Variants in HAO1 observed in about 807,000 individuals in gnomAD.
The protein encoded by HAO1 is hydroxyacid oxidase 1.
A neutral mutation model predicts 39.7 loss-of-function variants in HAO1; 34 were observed. The observed-to-expected ratio is 0.86, with a 90% CI of 0.65 to 1.14. The LOEUF is 1.14. Among genes scored for constraint, HAO1 ranks in the 50% most tolerant of loss-of-function variants. The probability of loss-of-function intolerance (pLI) is 0.00; values close to 1 mark genes in which losing one functional copy is unlikely to be tolerated. For missense variants in HAO1, 479 were observed against 464.5 expected, an observed-to-expected ratio of 1.03 and a Z score of -0.29; for synonymous variants, 172 against 173.2, an observed-to-expected ratio of 0.99 and a Z score of 0.05.
chr20:7,902,119 TAAC>T (rs2050223794), intron 4 of HAO1, among the ~76,000 whole-genome samples: 1 of 152,188 alleles, frequency 6.6e-6, no homozygotes, highest in Non-Finnish European at 1.5e-5. Context: ...ATTGCTGAAA[TAAC>T]AACAAAGGAT....
intron 2 of HAO1, among the ~76,000 whole-genome samples, chr20:7,920,672 T>C (rs1010510707): frequency 6.6e-6 from 1 of 152,150 alleles, no homozygotes; most frequent in African/African-American, 2.4e-5. Context: ...AGTAAGATCA[T>C]ATAGTATCTG....
intron 1 of HAO1, among the ~76,000 whole-genome samples, chr20:7,937,199 C>T (rs2294298): frequency 6.6e-6 from 1 of 152,078 alleles, no homozygotes; most frequent in South Asian, 2.1e-4. Context: ...ACACTCCTCA[C>T]AAAGTAGCTG....
chr20:7,907,057 CCTT>C (rs774374039), intron 3 of HAO1, among the ~76,000 whole-genome samples: 3 of 152,160 alleles, frequency 2.0e-5, no homozygotes, highest in African/African-American at 4.8e-5. Flanking sequence ...CCTGTAGACT[CCTT>C]CTTGCCTGCT....
chr20:7,916,053 G>C (rs1406018624), intron 2 of HAO1, among the ~76,000 whole-genome samples: 1 of 152,022 alleles, frequency 6.6e-6, no homozygotes, highest in African/African-American at 2.4e-5. Context: ...TTACATTTTG[G>C]GGGGAAAGGT....
intron 2 of HAO1, among the ~76,000 whole-genome samples, chr20:7,928,843 A>T (rs946326822): frequency 6.6e-5 from 10 of 152,156 alleles, no homozygotes; most frequent in African/African-American, 2.2e-4. Flanking sequence ...TGCCCCAAAC[A>T]GTGTTTTAGG....
At chr20:7,924,096 AT>A in intron 2 of HAO1, among the ~76,000 whole-genome samples, 1 of 152,120 alleles carries the variant, frequency 6.6e-6, no homozygotes, top group East Asian at 1.9e-4. Flanking sequence ...TTCTTCTCTT[AT>A]TAGTTTTAAA....
chr20:7,931,349 TCTC>T (rs1456723766), intron 2 of HAO1, among the ~76,000 whole-genome samples: 1 of 152,134 alleles, frequency 6.6e-6, no homozygotes, highest in Non-Finnish European at 1.5e-5. Flanking sequence ...ATAATGGGCT[TCTC>T]CTCATGACAC....
At chr20:7,893,416 G>A (rs1419257556) in intron 5 of HAO1, among the ~76,000 whole-genome samples, 1 of 152,158 alleles carries the variant, frequency 6.6e-6, no homozygotes, top group Non-Finnish European at 1.5e-5. Context: ...TGCCTTTGCA[G>A]GACTAACAAA....
chr20:7,929,827 G>A (rs753316044), intron 2 of HAO1, among the ~76,000 whole-genome samples: 21 of 152,138 alleles, frequency 1.4e-4, no homozygotes, highest in Non-Finnish European at 2.5e-4. Context: ...TAGTGCCACT[G>A]CACTCCAGTC....
intron 4 of HAO1, among the ~76,000 whole-genome samples, chr20:7,900,354 G>A (rs2050216128): frequency 2.0e-5 from 3 of 152,090 alleles, no homozygotes; most frequent in African/African-American, 7.2e-5. Flanking sequence ...TTTTTTAGCA[G>A]CAAGGTATTT....
chr20:7,918,477 C>A (rs187743867), intron 2 of HAO1, among the ~76,000 whole-genome samples: 1 of 152,148 alleles, frequency 6.6e-6, no homozygotes, highest in Admixed American at 6.6e-5. Flanking sequence ...TAAATAGCCA[C>A]GGCTCTGAAG....
intron 3 of HAO1, among the ~76,000 whole-genome samples, chr20:7,912,403 AAAAAC>A (rs1600113607): frequency 1.3e-5 from 2 of 152,292 alleles, no homozygotes. Flanking sequence ...GTCTTAAGTT[AAAAAC>A]AAAACAAAAA....
intron 1 of HAO1, among the ~76,000 whole-genome samples, chr20:7,939,843 T>C (rs2050432572): frequency 5.9e-5 from 9 of 152,128 alleles, no homozygotes; most frequent in Admixed American, 5.9e-4. Flanking sequence ...GTAATCAAAA[T>C]GAATGATAAC....
At chr20:7,894,984 C>T (rs2050189964) in intron 5 of HAO1, 149 bp downstream of exon 5, 1 of 621,306 alleles carries the variant, frequency 1.6e-6, no homozygotes, top group East Asian at 2.6e-5. Flanking sequence ...TGCCACTAAA[C>T]TTAAAATCCA....
chr20:7,928,502 T>C (rs2050370713), intron 2 of HAO1, among the ~76,000 whole-genome samples: 1 of 151,908 alleles, frequency 6.6e-6, no homozygotes, highest in Non-Finnish European at 1.5e-5. Flanking sequence ...TTTCTTTTTT[T>C]TTTTTTTGTC....
At chr20:7,936,897 C>A (rs6140466) in intron 1 of HAO1, among the ~76,000 whole-genome samples, 2 of 152,076 alleles carry the variant, frequency 1.3e-5, no homozygotes, top group African/African-American at 4.8e-5. Flanking sequence ...CTTTCCAAGC[C>A]TTGCCCAACC....
At chr20:7,924,194 G>GTGTTGT (rs3835201) in intron 2 of HAO1, among the ~76,000 whole-genome samples, 5,722 of 148,678 alleles carry the variant, frequency 0.038, 151 homozygotes, top group South Asian at 0.095. Context: ...AGTTTGGGTT[G>GTGTTGT]TGTTGTTGTT....
chr20:7,895,895 A>T (rs1368061822), intron 4 of HAO1, among the ~76,000 whole-genome samples: 3 of 152,034 alleles, frequency 2.0e-5, no homozygotes, highest in African/African-American at 7.2e-5. Context: ...AAAATACAAA[A>T]AAACAAAAAC....
intron 2 of HAO1, among the ~76,000 whole-genome samples, chr20:7,916,047 A>C (rs1334014367): frequency 6.6e-6 from 1 of 152,144 alleles, no homozygotes; most frequent in Non-Finnish European, 1.5e-5. Context: ...TAGCAGTTAC[A>C]TTTTGGGGGG....
Sources: allele counts gnomAD v4.1 joint callset (sites outside exome capture counted in the v4.1 genomes callset), GRCh38; gene constraint gnomAD v4.1.1; transcripts MANE v1.5; gene names NCBI Gene and HGNC (gene_info 2026-07-23, HGNC 2026-07-21).